The following TP53INP1 variants were observed in gnomAD, a reference collection of about 807,000 sequenced individuals.
The protein encoded by TP53INP1 is tumor protein p53-inducible nuclear protein 1.
A neutral mutation model predicts 21.0 loss-of-function variants in TP53INP1; 12 were observed. That is an observed-to-expected ratio of 0.57 (90% CI 0.37 to 0.93). The LOEUF is 0.93. Among genes scored for constraint, TP53INP1 ranks in the 40% least tolerant of loss-of-function variants. The probability of loss-of-function intolerance (pLI) is 0.01; values close to 1 mark genes in which losing one functional copy is unlikely to be tolerated. For synonymous variants in TP53INP1, 91 were observed against 94.8 expected, an observed-to-expected ratio of 0.96 and a Z score of 0.23; for missense variants, 274 against 294.7, an observed-to-expected ratio of 0.93 and a Z score of 0.51.
Position 94,930,364 on chromosome 8 carries a change from CTA to C in TP53INP1, c.*113_*114del. 2.1e-5 allele frequency: 29 copies of C among 1,414,292 alleles called. No individual in the cohort carries two copies. Among genetic ancestry groups the C allele is most frequent in the Non-Finnish European group, 2.7e-5 (28 of 1,032,536 alleles). The allele number at this position is 1,414,292 out of a possible 1,614,324, so 87.6% of individuals were successfully genotyped here. Reference sequence around the variant, plus strand: ...ATAGTGTCTAAATACACTGATAAAACTATGTGATTGGTTATCAATTGGTTGTA... The same window carrying C: ...ATAGTGTCTAAATACACTGATAAAACTGTGATTGGTTATCAATTGGTTGTA... On this transcript the variant is annotated 3_prime_UTR_variant, in exon 4 of 4. Coordinates refer to ENST00000342697, the MANE Select transcript of TP53INP1 (RefSeq NM_033285.4).
intron 3 of TP53INP1, among the ~76,000 whole-genome samples, chr8:94,939,307 T>C (rs1475470467): frequency 6.6e-6 from 1 of 152,254 alleles, no homozygotes; most frequent in Non-Finnish European, 1.5e-5. Context: ...GCCAGTCTTA[T>C]TTCTAATCAG....
At chr8:94,936,670 T>C (rs998683723) in intron 3 of TP53INP1, among the ~76,000 whole-genome samples, 3 of 152,134 alleles carry the variant, frequency 2.0e-5, no homozygotes, top group Non-Finnish European at 4.4e-5. Context: ...ATGGCTTCCA[T>C]AGGGAGCACA....
intron 3 of TP53INP1, among the ~76,000 whole-genome samples, chr8:94,935,128 T>TAGATAGATAG (rs1554630991): frequency 6.9e-5 from 10 of 144,750 alleles, no homozygotes; most frequent in South Asian, 2.3e-4. Flanking sequence ...GGTAGATAGA[T>TAGATAGATAG]ATAGATAGAT....
At chr8:94,932,825 C>A (rs1232948689) in intron 3 of TP53INP1, among the ~76,000 whole-genome samples, 2 of 151,904 alleles carry the variant, frequency 1.3e-5, no homozygotes, top group Non-Finnish European at 2.9e-5. Context: ...AAAAGAATTT[C>A]AAATCCCAAA....
chr8:94,942,077 G>A (rs1821592524), intron 1 of TP53INP1, among the ~76,000 whole-genome samples: 1 of 151,394 alleles, frequency 6.6e-6, no homozygotes, highest in African/African-American at 2.4e-5. Flanking sequence ...CTGTTGCCCA[G>A]GCTGGAGTGC....
intron 1 of TP53INP1, among the ~76,000 whole-genome samples, chr8:94,948,306 G>T (rs955048619): frequency 6.6e-6 from 1 of 152,266 alleles, no homozygotes; most frequent in African/African-American, 2.4e-5. Context: ...TTTCCTATGT[G>T]TAAGATAGCC....
intron 3 of TP53INP1, among the ~76,000 whole-genome samples, chr8:94,938,149 C>G (rs1415142315): frequency 6.6e-6 from 1 of 152,182 alleles, no homozygotes; most frequent in Non-Finnish European, 1.5e-5. Context: ...AAGGGTGAAG[C>G]TACGTGTTTG....
chr8:94,932,078 C>T (rs761769608), intron 3 of TP53INP1: 18 of 1,609,948 alleles, frequency 1.1e-5, no homozygotes, highest in Middle Eastern at 1.6e-4. Context: ...ACTCTGTGCC[C>T]GTGAGTCTTA....
intron 1 of TP53INP1, among the ~76,000 whole-genome samples, chr8:94,946,267 G>A (rs1044729125): frequency 1.4e-4 from 22 of 152,270 alleles, no homozygotes; most frequent in Admixed American, 1.4e-3. Context: ...GTGGCTGACT[G>A]AGTCTAATAC....
intron 2 of TP53INP1, among the ~76,000 whole-genome samples, 172 bp downstream of exon 2, chr8:94,940,658 T>G (rs903659100): frequency 6.6e-6 from 1 of 152,212 alleles, no homozygotes; most frequent in Non-Finnish European, 1.5e-5. Context: ...GTCAGTCAAT[T>G]TCACTGACAT....
intron 3 of TP53INP1, among the ~76,000 whole-genome samples, chr8:94,930,999 A>C (rs533805643): frequency 1.3e-5 from 2 of 152,340 alleles, no homozygotes; most frequent in East Asian, 3.9e-4. Flanking sequence ...TTAAACTTTG[A>C]ATTTCATTTA....
intron 3 of TP53INP1, among the ~76,000 whole-genome samples, chr8:94,938,871 G>A (rs1821249892): frequency 6.6e-6 from 1 of 152,192 alleles, no homozygotes; most frequent in Non-Finnish European, 1.5e-5. Flanking sequence ...ACAGCTGGTT[G>A]GTCAGAAGCA....
At position 94,930,563 on chromosome 8, in the gene TP53INP1, A is replaced by G; in HGVS notation, c.639T>C (p.Asn213=). 1 of 1,614,188 alleles carries G rather than the reference A, an allele frequency of 6.2e-7. No individual in the cohort carries two copies. Among genetic ancestry groups the G allele is most frequent in the Non-Finnish European group, 8.5e-7 (1 of 1,180,036 alleles). ...PLNRNSLRRQ[N]LTRDCHPRQV... ...GCCGAGGGTGGCAATCCCTGGTAAG[A>G]TTTTGGCGACGAAGGCTATTTCTGT... The change falls in exon 4 of 4, where the codon AAT becomes AAC. Residue 213 remains asparagine, a synonymous_variant. Coordinates refer to ENST00000342697, the MANE Select transcript of TP53INP1 (RefSeq NM_033285.4).
At chr8:94,931,587 TACAC>T (rs557721378) in intron 3 of TP53INP1, among the ~76,000 whole-genome samples, 54 of 68,630 alleles carry the variant, frequency 7.9e-4, no homozygotes, top group African/African-American at 1.8e-3. Context: ...ACATATTTAT[TACAC>T]ACACACACAC....
At chr8:94,936,903 C>T (rs931908702) in intron 3 of TP53INP1, among the ~76,000 whole-genome samples, 1 of 152,140 alleles carries the variant, frequency 6.6e-6, no homozygotes, top group Admixed American at 6.6e-5. Flanking sequence ...CAATGAGAAC[C>T]GTTCTGCCAG....
intron 3 of TP53INP1, among the ~76,000 whole-genome samples, chr8:94,935,174 T>TAG (rs766797744): frequency 1.4e-3 from 219 of 151,838 alleles, no homozygotes; most frequent in African/African-American, 4.8e-3. Context: ...GATAGATAGA[T>TAG]ATAATACAAT....
chr8:94,939,144 ACAAGGTTTT>A (rs964934762), intron 3 of TP53INP1, among the ~76,000 whole-genome samples: 8 of 152,222 alleles, frequency 5.3e-5, no homozygotes, highest in African/African-American at 1.9e-4. Context: ...AAATTCTCAG[ACAAGGTTTT>A]CAAGGTTACA....
intron 1 of TP53INP1, among the ~76,000 whole-genome samples, chr8:94,945,303 G>C (rs1821893553): frequency 1.3e-5 from 2 of 152,096 alleles, no homozygotes; most frequent in Admixed American, 6.5e-5. Flanking sequence ...GTATTTCAAA[G>C]ACTTAGTACC....
In TP53INP1 at chr8:94,926,037, A is replaced by C. The variant is rs1819860862; in HGVS notation, c.*4442T>G. 6.6e-6 allele frequency: 1 copy of C among 152,658 alleles called. No individual in the cohort carries two copies. Among genetic ancestry groups the C allele is most frequent in the Admixed American group, 6.5e-5 (1 of 15,272 alleles). 9.5% of individuals were successfully genotyped at this position (152,658 alleles called of 1,614,324 possible). A position where few individuals can be genotyped will look rare whatever the true frequency, so the allele number is the denominator to read the frequency against. On this transcript the variant is annotated 3_prime_UTR_variant, in exon 4 of 4. Transcript: ENST00000342697. The stretch of plus-strand genomic sequence containing the variant: ...TGTAACTCCAGGTAGTGCAAAATGC[A>C]CCACAACCCAATTACAAAGAACAGG...
Sources: allele counts gnomAD v4.1 joint callset (sites outside exome capture counted in the v4.1 genomes callset), GRCh38; gene constraint gnomAD v4.1.1; transcripts MANE v1.5; gene names NCBI Gene and HGNC (gene_info 2026-07-23, HGNC 2026-07-21).